CNTNAP2: variants seen among roughly 807,000 people sequenced by gnomAD.
CNTNAP2 encodes the protein contactin-associated protein-like 2.
In CNTNAP2, 98 loss-of-function variants were observed where a neutral mutation model predicts 155.2. The ratio of observed to expected loss-of-function variants is 0.63; its 90% CI spans 0.54 to 0.75. CNTNAP2 has a LOEUF of 0.75. Ranked by LOEUF, CNTNAP2 falls within the 30% of genes least tolerant of loss-of-function variation. The pLI is 0.00. For synonymous variants in CNTNAP2, 651 were observed against 631.2 expected (o/e 1.03, Z -0.47); for missense variants, 1,727 against 1,688.1 (o/e 1.02, Z -0.40).
intron 12 of CNTNAP2, among the ~76,000 whole-genome samples, chr7:147,631,353 C>G (rs1472230528): frequency 6.6e-6 from 1 of 152,002 alleles, no homozygotes; most frequent in Admixed American, 6.6e-5. Context: ...CAAATGGAAA[C>G]ACAACCCAAT....
rs573271153 is a variant in CNTNAP2, at chr7:146,249,536, G to A, written c.97+132563G>A. ...GTGCCTTGGCTTTGGGTATATGGCT[G>A]CAAGTCTCTGCTAATTACTCCTATG... On this transcript the variant is annotated intron_variant, in intron 1 of 23. Transcript: ENST00000361727. 4.9e-4 allele frequency among the ~76,000 whole-genome samples: 74 copies of A among 152,238 alleles called. 1 individual carries two copies. The highest frequency in any genetic ancestry group is 1.6e-3 in the African/African-American group (66 of 41,558).
At chr7:148,189,596 C>A (rs567427879) in intron 18 of CNTNAP2, among the ~76,000 whole-genome samples, 1 of 152,190 alleles carries the variant, frequency 6.6e-6, no homozygotes, top group Non-Finnish European at 1.5e-5. Flanking sequence ...TGGGATGATA[C>A]AACAAGAGGG....
chr7:147,068,606 C>A (rs1294903327), intron 4 of CNTNAP2, among the ~76,000 whole-genome samples: 7 of 152,132 alleles, frequency 4.6e-5, no homozygotes, highest in Admixed American at 1.3e-4. Flanking sequence ...ATCCGCCAAC[C>A]TCAGCCTCCC....
chr7:146,762,179 A>G (rs2129184150), intron 1 of CNTNAP2, among the ~76,000 whole-genome samples: 1 of 152,288 alleles, frequency 6.6e-6, no homozygotes, highest in African/African-American at 2.4e-5. Flanking sequence ...TTTTAATAGA[A>G]TCATGTCTAG....
intron 4 of CNTNAP2, among the ~76,000 whole-genome samples, chr7:147,055,053 T>C (rs1026652714): frequency 2.0e-5 from 3 of 152,132 alleles, no homozygotes; most frequent in Non-Finnish European, 2.9e-5. Flanking sequence ...GGGGGAATAA[T>C]CTCAAGAATT....
intron 10 of CNTNAP2, among the ~76,000 whole-genome samples, chr7:147,428,603 TC>T (rs1240248263): frequency 2.6e-5 from 4 of 152,198 alleles, no homozygotes. Flanking sequence ...GTTACCACTT[TC>T]TTTTACATAG....
At chr7:146,340,169 A>AG (rs1491433365) in intron 1 of CNTNAP2, among the ~76,000 whole-genome samples, 1 of 91,762 alleles carries the variant, frequency 1.1e-5, no homozygotes, top group African/African-American at 1.2e-4. Context: ...ACTCCGCCTC[A>AG]AAAAAAAAAA....
chr7:147,679,971 C>A lies in CNTNAP2; in HGVS notation c.2098+40665C>A, dbSNP rs532389495. Among the ~76,000 whole-genome samples, 27 of 146,652 alleles carry A rather than the reference C, an allele frequency of 1.8e-4. No individual in the cohort carries two copies. In the East Asian group the frequency reaches 5.4e-3, roughly 29 times the overall value. On this transcript the variant is annotated intron_variant, in intron 13 of 23. Transcript: ENST00000361727. ...TGGTCAACTCTGAATATCTTCGTTT[C>A]TTTTTTTTTTTAATTCCACTGGTTA...
At chr7:148,387,190 C>G (rs184152696) in intron 22 of CNTNAP2, among the ~76,000 whole-genome samples, 1 of 152,166 alleles carries the variant, frequency 6.6e-6, no homozygotes, top group African/African-American at 2.4e-5. Flanking sequence ...TCCCCAGTGG[C>G]TTCAGTTTAA....
At chr7:148,276,584 G>T (rs1419558950) in intron 21 of CNTNAP2, among the ~76,000 whole-genome samples, 2 of 152,218 alleles carry the variant, frequency 1.3e-5, no homozygotes, top group African/African-American at 4.8e-5. Context: ...GCAGTCAGTG[G>T]TTCCTGGAGC....
intron 1 of CNTNAP2, among the ~76,000 whole-genome samples, chr7:146,323,798 T>C (rs1012157038): frequency 1.3e-5 from 2 of 152,176 alleles, no homozygotes; most frequent in African/African-American, 4.8e-5. Context: ...TAGGGAAAAC[T>C]GGTATCTAGA....
intron 1 of CNTNAP2, among the ~76,000 whole-genome samples, chr7:146,642,266 T>A (rs1361736021): frequency 1.3e-5 from 2 of 151,304 alleles, no homozygotes; most frequent in East Asian, 2.0e-4. Flanking sequence ...CATTAACTCA[T>A]CATTTAGCAT....
intron 16 of CNTNAP2, among the ~76,000 whole-genome samples, chr7:148,132,574 A>G (rs1804854763): frequency 6.6e-6 from 1 of 152,200 alleles, no homozygotes; most frequent in Non-Finnish European, 1.5e-5. Flanking sequence ...TTCAAGGTAC[A>G]CAGGACAGGC....
intron 15 of CNTNAP2, among the ~76,000 whole-genome samples, chr7:148,018,505 G>A (rs1382209011): frequency 6.6e-6 from 1 of 152,202 alleles, no homozygotes; most frequent in African/African-American, 2.4e-5. Context: ...CTCACACAAT[G>A]AACCAGAAGT....
intron 10 of CNTNAP2, among the ~76,000 whole-genome samples, chr7:147,419,850 T>C (rs1396396023): frequency 6.6e-6 from 1 of 152,206 alleles, no homozygotes; most frequent in East Asian, 1.9e-4. Flanking sequence ...AGAATAGTTA[T>C]AGATTGTGAT....
chr7:146,740,164 A>C (rs139751023), intron 1 of CNTNAP2, among the ~76,000 whole-genome samples: 9 of 151,218 alleles, frequency 6.0e-5, no homozygotes, highest in Admixed American at 5.9e-4. Flanking sequence ...TTTTCTTCTG[A>C]CTTTATATTT....
chr7:147,852,586 A>T (rs902222983), intron 13 of CNTNAP2, among the ~76,000 whole-genome samples: 1 of 152,176 alleles, frequency 6.6e-6, no homozygotes, highest in Non-Finnish European at 1.5e-5. Flanking sequence ...TAAAGATTAC[A>T]TTTTTTGCAT....
At chr7:147,897,313 G>T (rs1235958629) in intron 13 of CNTNAP2, among the ~76,000 whole-genome samples, 1 of 152,182 alleles carries the variant, frequency 6.6e-6, no homozygotes, top group African/African-American at 2.4e-5. Flanking sequence ...CATAAATTGG[G>T]CAGAGATTCT....
At chr7:147,312,512 T>C (rs1795146084) in intron 9 of CNTNAP2, among the ~76,000 whole-genome samples, 1 of 125,712 alleles carries the variant, frequency 8.0e-6, no homozygotes, top group Non-Finnish European at 1.6e-5. Context: ...ACGTGTGGTG[T>C]TCAGTTTTTT....
Sources: allele counts gnomAD v4.1 joint callset (sites outside exome capture counted in the v4.1 genomes callset), GRCh38; gene constraint gnomAD v4.1.1; transcripts MANE v1.5; gene names NCBI Gene and HGNC (gene_info 2026-07-23, HGNC 2026-07-21).